The following NKAIN3 variants were observed in gnomAD, a reference collection of about 807,000 sequenced individuals.
NKAIN3 encodes the protein sodium/potassium-transporting ATPase subunit beta-1-interacting protein 3.
Under a neutral mutation model 30.2 loss-of-function variants are expected in NKAIN3, and 25 were observed. That is an observed-to-expected ratio of 0.83 (90% CI 0.60 to 1.16). The LOEUF (loss-of-function observed/expected upper bound fraction) is 1.16, where lower values mean the gene tolerates loss of function less well. Ranked by LOEUF, NKAIN3 falls within the 50% of genes most tolerant of loss-of-function variation. NKAIN3 has a pLI of 0.00. For missense variants in NKAIN3, 225 were observed against 254.1 expected (o/e 0.89, Z 0.78); for synonymous variants, 91 against 89.6 (o/e 1.02, Z -0.09).
At chr8:62,742,130 A>C (rs201291656) in intron 3 of NKAIN3, among the ~76,000 whole-genome samples, 2 of 9,930 alleles carry the variant, frequency 2.0e-4, no homozygotes, top group East Asian at 2.6e-3. Context: ...TGTATATCTT[A>C]TATATATATA....
At chr8:62,517,910 A>G (rs911506309) in intron 1 of NKAIN3, among the ~76,000 whole-genome samples, 5 of 150,548 alleles carry the variant, frequency 3.3e-5, no homozygotes, top group African/African-American at 1.3e-4. Flanking sequence ...AACTAGAGCT[A>G]TACCTGTATC....
intron 3 of NKAIN3, among the ~76,000 whole-genome samples, chr8:62,735,875 T>A (rs1563537994): frequency 6.6e-6 from 1 of 152,130 alleles, no homozygotes; most frequent in Non-Finnish European, 1.5e-5. Flanking sequence ...GGAATGGGAC[T>A]TCCTGAGAGC....
intron 4 of NKAIN3, among the ~76,000 whole-genome samples, chr8:62,778,889 G>A (rs1282512822): frequency 1.3e-5 from 2 of 152,080 alleles, no homozygotes; most frequent in Non-Finnish European, 2.9e-5. Context: ...TATTCCTGCT[G>A]ATTATTCCAG....
intron 1 of NKAIN3, among the ~76,000 whole-genome samples, chr8:62,492,834 T>A (rs1807114808): frequency 6.6e-6 from 1 of 152,122 alleles, no homozygotes; most frequent in East Asian, 1.9e-4. Context: ...TGAAGAATTG[T>A]CACATTTCTT....
chr8:62,918,802 T>A (rs1049827012), intron 5 of NKAIN3, among the ~76,000 whole-genome samples: 1 of 152,172 alleles, frequency 6.6e-6, no homozygotes, highest in African/African-American at 2.4e-5. Flanking sequence ...CTAACCATTA[T>A]GCCGAGTAGA....
chr8:62,865,115 C>T (rs1261169827), intron 4 of NKAIN3, among the ~76,000 whole-genome samples: 2 of 151,886 alleles, frequency 1.3e-5, no homozygotes, highest in Non-Finnish European at 2.9e-5. Context: ...AGGAGTTTTT[C>T]ACCAGAAAAG....
At chr8:62,436,797 G>A (rs1001763604) in intron 1 of NKAIN3, among the ~76,000 whole-genome samples, 8 of 152,064 alleles carry the variant, frequency 5.3e-5, no homozygotes, top group Non-Finnish European at 1.2e-4. Flanking sequence ...CCTAGGTTAA[G>A]GAAGAAGTGC....
intron 1 of NKAIN3, among the ~76,000 whole-genome samples, chr8:62,413,943 A>G (rs1488792338): frequency 6.6e-6 from 1 of 152,140 alleles, no homozygotes; most frequent in Non-Finnish European, 1.5e-5. Flanking sequence ...AATATTAGAC[A>G]TAATAGGAAC....
At chr8:62,725,136 T>C (rs1259318177) in intron 3 of NKAIN3, among the ~76,000 whole-genome samples, 1 of 152,198 alleles carries the variant, frequency 6.6e-6, no homozygotes, top group East Asian at 1.9e-4. Flanking sequence ...TGATCAGTGA[T>C]GTTGAGCACC....
intron 5 of NKAIN3, among the ~76,000 whole-genome samples, chr8:62,991,823 G>A (rs541256364): frequency 2.0e-5 from 3 of 152,102 alleles, no homozygotes; most frequent in Admixed American, 1.3e-4. Flanking sequence ...TTAATTGAAC[G>A]TGTCTTTAAG....
rs536301385 is a variant in NKAIN3 at position 62,389,937 on chromosome 8, A to G, written c.54+140810A>G. ...GACATTCAGTCCAAACTGAACAGAG[A>G]GCGTACTTTGCCTTTATAGCCTCTT... On this transcript the variant is annotated intron_variant, in intron 1 of 6. Coordinates refer to ENST00000623646, the MANE Select transcript of NKAIN3 (RefSeq NM_001304533.3). 2.0e-5 allele frequency among the ~76,000 whole-genome samples: 3 copies of G among 152,180 alleles called. No individual in the cohort carries two copies. In the South Asian group the frequency reaches 6.2e-4, roughly 32 times the overall value.
At chr8:62,894,793 A>G (rs748668636) in intron 4 of NKAIN3, among the ~76,000 whole-genome samples, 8 of 152,304 alleles carry the variant, frequency 5.3e-5, no homozygotes, top group East Asian at 1.9e-4. Flanking sequence ...TCAGAGACTC[A>G]GGCACTTTTA....
At chr8:62,651,090 T>G (rs555433503) in intron 3 of NKAIN3, among the ~76,000 whole-genome samples, 2 of 152,124 alleles carry the variant, frequency 1.3e-5, no homozygotes, top group South Asian at 4.1e-4. Context: ...TTGAGTATAA[T>G]TTTTATTTCC....
At chr8:62,292,543 T>G (rs1425527781) in intron 1 of NKAIN3, among the ~76,000 whole-genome samples, 1 of 152,236 alleles carries the variant, frequency 6.6e-6, no homozygotes. Flanking sequence ...TTCTTTTCTT[T>G]AAGAATGTTG....
intron 4 of NKAIN3, among the ~76,000 whole-genome samples, chr8:62,865,642 A>C (rs1354012361): frequency 6.6e-6 from 1 of 152,152 alleles, no homozygotes; most frequent in Non-Finnish European, 1.5e-5. Flanking sequence ...AGGGTTTGTG[A>C]CTATCTATTT....
intron 4 of NKAIN3, among the ~76,000 whole-genome samples, chr8:62,819,920 C>A (rs559874284): frequency 6.6e-6 from 1 of 151,942 alleles, no homozygotes; most frequent in African/African-American, 2.4e-5. Flanking sequence ...ATGTTTGGAG[C>A]TAAGGATGCT....
At chr8:62,358,883 T>A (rs1410837414) in intron 1 of NKAIN3, among the ~76,000 whole-genome samples, 1 of 152,230 alleles carries the variant, frequency 6.6e-6, no homozygotes, top group African/African-American at 2.4e-5. Flanking sequence ...GTTAGCCATG[T>A]TTTGAAAATA....
intron 1 of NKAIN3, among the ~76,000 whole-genome samples, chr8:62,459,474 C>T (rs1374219556): frequency 6.6e-6 from 1 of 152,104 alleles, no homozygotes; most frequent in Non-Finnish European, 1.5e-5. Flanking sequence ...TTTCTAGGCT[C>T]TATTCTAAGC....
At chr8:62,623,624 G>T (rs1811691286) in intron 3 of NKAIN3, among the ~76,000 whole-genome samples, 1 of 152,008 alleles carries the variant, frequency 6.6e-6, no homozygotes, top group Admixed American at 6.6e-5. Context: ...TGGCTTAAAT[G>T]ATTTTCCTTC....
Sources: gnomAD v4.1 joint callset for allele counts (sites outside exome capture counted in the v4.1 genomes callset) on GRCh38, gnomAD v4.1.1 for gene constraint, MANE v1.5 for transcripts, NCBI Gene and HGNC (gene_info 2026-07-23, HGNC 2026-07-21) for gene names.